PAX2: variants seen among roughly 807,000 people sequenced by gnomAD.
The protein encoded by PAX2 is paired box protein Pax-2.
Under a neutral mutation model 41.7 loss-of-function variants are expected in PAX2, and 9 were observed. The ratio of observed to expected loss-of-function variants is 0.22; its 90% CI spans 0.13 to 0.38. The LOEUF is 0.38. PAX2 is among the 10% of genes least tolerant of loss of function. PAX2 has a pLI of 1.00. For synonymous variants in PAX2, 221 were observed against 212.7 expected, an observed-to-expected ratio of 1.04 and a Z score of -0.34; for missense variants, 418 against 531.6, an observed-to-expected ratio of 0.79 and a Z score of 2.10.
In PAX2 at chr10:100,826,088, G is replaced by C. The variant is rs1425635598; in HGVS notation, c.1022-921G>C. 6.6e-6 allele frequency among the ~76,000 whole-genome samples: 1 copy of C among 152,096 alleles called. No homozygotes were observed. Among genetic ancestry groups the C allele is most frequent in the Non-Finnish European group, 1.5e-5 (1 of 68,010 alleles). ...AGGAAATTACACTTGTTTCATTAGC[G>C]ATGGGGAAGGAGATAGCTCAGTTCC... On this transcript the variant is annotated intron_variant, in intron 8 of 9. Transcript: ENST00000355243. The surrounding 1 kb of genome is among the most constrained non-coding windows in gnomAD (Gnocchi z 5.5).
At chr10:100,823,570 G>A (rs1014958467) in intron 7 of PAX2, among the ~76,000 whole-genome samples, 1 of 152,188 alleles carries the variant, frequency 6.6e-6, no homozygotes, top group Admixed American at 6.5e-5. Flanking sequence ...GCCATGCCTT[G>A]CCTTCCCAAG....
intron 7 of PAX2, among the ~76,000 whole-genome samples, chr10:100,814,328 G>T (rs993261145): frequency 5.4e-5 from 7 of 128,510 alleles, no homozygotes; most frequent in Non-Finnish European, 1.1e-4. Flanking sequence ...CTCTAGCCTG[G>T]GCGACACAGC....
chr10:100,748,630 T>C lies in PAX2; in HGVS notation c.44-1116T>C, dbSNP rs1845304041. The C allele has an allele frequency of 5.1e-6, 5 of 985,368 alleles. No homozygotes were observed. Among genetic ancestry groups the C allele is most frequent in the Non-Finnish European group, 6.0e-6 (5 of 829,904 alleles). 61.0% of individuals were successfully genotyped at this position (985,368 alleles called of 1,614,324 possible). A position where few individuals can be genotyped will look rare whatever the true frequency, so the allele number is the denominator to read the frequency against. On this transcript the variant is annotated intron_variant, in intron 1 of 9. Coordinates refer to ENST00000355243, the MANE Select transcript of PAX2 (RefSeq NM_000278.5). The surrounding 1 kb of genome is among the most constrained non-coding windows in gnomAD (Gnocchi z 5.0). ...TGGGTGCAGGATTTCTAGACTGCTG[T>C]AGGCCAGGGAGAATGGGGCACAGGA...
intron 5 of PAX2, among the ~76,000 whole-genome samples, chr10:100,805,018 TCACATACACACACACA>T (rs1447029911): frequency 3.0e-5 from 1 of 32,882 alleles, no homozygotes; most frequent in African/African-American, 1.6e-4. Context: ...TCTCTCTCTC[TCACATACACACACACA>T]CACACACACA....
intron 7 of PAX2, among the ~76,000 whole-genome samples, chr10:100,813,011 T>C (rs1354101443): frequency 6.6e-6 from 1 of 152,248 alleles, no homozygotes; most frequent in Non-Finnish European, 1.5e-5. Flanking sequence ...AACACTAAGA[T>C]AGCTGATGAG....
chr10:100,753,900 A>G (rs940185994), intron 3 of PAX2, among the ~76,000 whole-genome samples: 14 of 152,244 alleles, frequency 9.2e-5, no homozygotes, highest in Admixed American at 3.9e-4. Flanking sequence ...GGACTGGGTC[A>G]GGAAGGCCTC....
Position 100,748,355 on chromosome 10 carries a change from G to A in PAX2, c.44-1391G>A, listed in dbSNP as rs4919488. The A allele has an allele frequency of 0.63, 619,345 of 983,280 alleles. 196,578 individuals carry two copies. The highest frequency in any genetic ancestry group is 0.8 in the East Asian group (6,932 of 8,670). The allele number at this position is 983,280 out of a possible 1,614,324, so 60.9% of individuals were successfully genotyped here. A position where few individuals can be genotyped will look rare whatever the true frequency, so the allele number is the denominator to read the frequency against. ...GGGGTGGGCAAGGGGGTAAAAGAAGGGGCTTCAGTCTCTCCCAGCAACGCG... is the reference window on the plus strand; with the variant it reads ...GGGGTGGGCAAGGGGGTAAAAGAAGAGGCTTCAGTCTCTCCCAGCAACGCG... On this transcript the variant is annotated intron_variant, in intron 1 of 9. Transcript: ENST00000355243. The surrounding 1 kb of genome is among the most constrained non-coding windows in gnomAD (Gnocchi z 5.0).
In PAX2 at chr10:100,793,452, G is replaced by A. The variant is rs576632062; in HGVS notation, c.616+12087G>A. Among the ~76,000 whole-genome samples, 8 of 152,324 alleles carry A rather than the reference G, an allele frequency of 5.3e-5. No homozygotes were observed. The South Asian group carries it at 1.0e-3, about 20-fold the overall frequency. On this transcript the variant is annotated intron_variant, in intron 5 of 9. Transcript: ENST00000355243. ...TCCTTGTCGGTACCCACTCTCCACC[G>A]TTCCACTTCTTAATACATGGATCGC...
At chr10:100,801,689 C>T (rs901681753) in intron 5 of PAX2, among the ~76,000 whole-genome samples, 40 of 152,340 alleles carry the variant, frequency 2.6e-4, no homozygotes, top group African/African-American at 9.4e-4. Flanking sequence ...CAGGCTGTAG[C>T]CTCCATTTGG....
intron 3 of PAX2, among the ~76,000 whole-genome samples, chr10:100,771,532 A>G (rs114775928): frequency 0.012 from 1,797 of 152,152 alleles, 42 homozygotes; most frequent in African/African-American, 0.041. Flanking sequence ...GTAAATTTCA[A>G]TTTTTCAGTT....
Position 100,745,752 on chromosome 10 carries a change from T to A in PAX2, c.-509T>A, listed in dbSNP as rs1845136692. 3 of 1,013,732 alleles carry A rather than the reference T, an allele frequency of 3.0e-6. No individual in the cohort carries two copies. The highest frequency in any genetic ancestry group is 3.5e-6 in the Non-Finnish European group (3 of 847,158). The allele number at this position is 1,013,732 out of a possible 1,614,324, so 62.8% of individuals were successfully genotyped here. On this transcript the variant is annotated 5_prime_UTR_variant, in exon 1 of 10. Coordinates refer to ENST00000355243, the MANE Select transcript of PAX2 (RefSeq NM_000278.5). Reference sequence around the variant, plus strand: ...GCGCTCCCCTCCCGCAGGCGCCACCTCGGACATCCCCGGGATTGCTACTTC... The same window carrying A: ...GCGCTCCCCTCCCGCAGGCGCCACCACGGACATCCCCGGGATTGCTACTTC...
intron 7 of PAX2, among the ~76,000 whole-genome samples, chr10:100,813,646 G>C (rs1257273693): frequency 6.6e-6 from 1 of 152,196 alleles, no homozygotes; most frequent in Non-Finnish European, 1.5e-5. Context: ...AAACAAGGAA[G>C]GGGGCAGAAT....
intron 3 of PAX2, among the ~76,000 whole-genome samples, chr10:100,773,264 T>G (rs775333209): frequency 7.9e-5 from 12 of 152,288 alleles, no homozygotes; most frequent in Admixed American, 5.2e-4. Flanking sequence ...AGATACTCAG[T>G]AGACAGTTTT....
intron 6 of PAX2, among the ~76,000 whole-genome samples, chr10:100,807,209 C>A (rs1276510927): frequency 2.0e-5 from 3 of 152,146 alleles, no homozygotes; most frequent in Non-Finnish European, 4.4e-5. Flanking sequence ...AACACACCAG[C>A]AAAACGCACA....
Position 100,809,159 on chromosome 10 carries a change from A to G in PAX2, c.842A>G (p.Lys281Arg), listed in dbSNP as rs754336753. 6.2e-7 allele frequency: 1 copy of G among 1,613,482 alleles called. No homozygotes were observed. The highest frequency in any genetic ancestry group is 8.5e-7 in the Non-Finnish European group (1 of 1,179,448). ...PALTPGLDEV[K>R]SSLSASTNPE... ...CTGACCCCTGGGCTTGATGAAGTCA[A>G]GTCGAGTCTATCTGCATCCACCAAC... is the stretch of plus-strand genomic sequence containing the variant. Residue 281 changes from lysine (K) to arginine (R), a missense_variant, in exon 7 of 10, where the codon AAG (lysine) becomes AGG (arginine). Lys to Arg is a conservative substitution (Grantham distance 26, BLOSUM62 2). Transcript: ENST00000355243.
intron 5 of PAX2, among the ~76,000 whole-genome samples, chr10:100,803,470 C>T (rs1847641350): frequency 6.6e-6 from 1 of 152,058 alleles, no homozygotes; most frequent in African/African-American, 2.4e-5. Context: ...TGGAAAGAGC[C>T]CTTGAGAGCC....
At chr10:100,751,019 C>T (rs1845420571) in intron 3 of PAX2, 128 bp downstream of exon 3, 1 of 777,458 alleles carries the variant, frequency 1.3e-6, no homozygotes, top group East Asian at 2.6e-5. Context: ...AGCCCCAAAT[C>T]CTTCTGTCAG....
At chr10:100,812,946 C>T (rs1747502014) in intron 7 of PAX2, among the ~76,000 whole-genome samples, 1 of 152,210 alleles carries the variant, frequency 6.6e-6, no homozygotes, top group African/African-American at 2.4e-5. Flanking sequence ...CTTTTGGCTT[C>T]CCTGGGCCAC....
intron 6 of PAX2, among the ~76,000 whole-genome samples, chr10:100,807,016 A>T (rs1847813068): frequency 6.6e-6 from 1 of 151,994 alleles, no homozygotes; most frequent in Non-Finnish European, 1.5e-5. Context: ...TCCTACAGAA[A>T]GTCTACGCTA....
Sources: allele counts gnomAD v4.1 joint callset (sites outside exome capture counted in the v4.1 genomes callset), GRCh38; gene constraint gnomAD v4.1.1; non-coding constraint Gnocchi (gnomAD v3.1); transcripts MANE v1.5; gene names NCBI Gene and HGNC (gene_info 2026-07-23, HGNC 2026-07-21).